The following C8orf34 variants were observed in gnomAD, a reference collection of about 807,000 sequenced individuals.
C8orf34 encodes chromosome 8 open reading frame 34, also known as uncharacterized protein C8orf34.
In C8orf34, 65 loss-of-function variants were observed where a neutral mutation model predicts 68.3. That is an observed-to-expected ratio of 0.95 (90% CI 0.78 to 1.17). The LOEUF (loss-of-function observed/expected upper bound fraction) is 1.17. C8orf34 is among the 50% of genes most tolerant of loss of function. The pLI, the probability that C8orf34 is intolerant of heterozygous loss-of-function variation, is 0.00. For synonymous variants in C8orf34, 244 were observed against 241.2 expected, an observed-to-expected ratio of 1.01 and a Z score of -0.11; for missense variants, 664 against 655.4, an observed-to-expected ratio of 1.01 and a Z score of -0.14.
At chr8:68,542,446 T>C (rs2129951126) in intron 7 of C8orf34, among the ~76,000 whole-genome samples, 1 of 152,296 alleles carries the variant, frequency 6.6e-6, no homozygotes, top group Middle Eastern at 3.4e-3. Context: ...TTTACGGACT[T>C]TTTCGCATTT....
At chr8:68,726,335 A>G (rs1217473641) in intron 10 of C8orf34, among the ~76,000 whole-genome samples, 1 of 152,170 alleles carries the variant, frequency 6.6e-6, no homozygotes, top group Non-Finnish European at 1.5e-5. Flanking sequence ...AGCATAAGAG[A>G]TAAGCCTTGC....
At chr8:68,707,616 C>G (rs1029768286) in intron 8 of C8orf34, among the ~76,000 whole-genome samples, 3 of 152,010 alleles carry the variant, frequency 2.0e-5, no homozygotes, top group African/African-American at 7.2e-5. Context: ...CACTCTGTCA[C>G]CCCAGTTGGA....
At chr8:68,422,841 A>G (rs946209252) in intron 1 of C8orf34, among the ~76,000 whole-genome samples, 7 of 152,182 alleles carry the variant, frequency 4.6e-5, no homozygotes, top group East Asian at 1.9e-4. Flanking sequence ...CCCAAACCTC[A>G]GTTCTTGTCT....
intron 5 of C8orf34, among the ~76,000 whole-genome samples, chr8:68,519,871 A>G (rs1308966937): frequency 6.6e-6 from 1 of 152,228 alleles, no homozygotes; most frequent in Non-Finnish European, 1.5e-5. Context: ...AAAGTCTCAC[A>G]GATGGAAAAG....
rs115148998 is a variant in C8orf34 at position 68,593,486 on chromosome 8, G to A, written c.1106-46890G>A. ...AGTCTAGGGGTTTTTGTTCTCATTT[G>A]CATGGAGGACTTTTTTATTAATATA... On this transcript the variant is annotated intron_variant, in intron 7 of 13. Transcript: ENST00000518698. 2.5e-3 allele frequency among the ~76,000 whole-genome samples: 382 copies of A among 151,966 alleles called. 1 individual carries two copies. The highest frequency in any genetic ancestry group is 8.7e-3 in the African/African-American group (363 of 41,508).
intron 10 of C8orf34, among the ~76,000 whole-genome samples, chr8:68,758,094 G>A (rs144755353): frequency 5.9e-5 from 9 of 152,310 alleles, no homozygotes; most frequent in African/African-American, 2.2e-4. Context: ...GATGGCATCG[G>A]GGATGCAATT....
chr8:68,370,867 G>A (rs1807530294), intron 1 of C8orf34, among the ~76,000 whole-genome samples: 1 of 152,114 alleles, frequency 6.6e-6, no homozygotes, highest in African/African-American at 2.4e-5. Context: ...ATATTTCCCA[G>A]ATTTAAGTCA....
At chr8:68,645,966 C>T (rs941106762) in intron 8 of C8orf34, among the ~76,000 whole-genome samples, 2 of 152,136 alleles carry the variant, frequency 1.3e-5, no homozygotes, top group African/African-American at 4.8e-5. Context: ...GACCTTGTCT[C>T]CTCCTCCTGT....
At chr8:68,753,148 T>C (rs908041513) in intron 10 of C8orf34, among the ~76,000 whole-genome samples, 1 of 152,166 alleles carries the variant, frequency 6.6e-6, no homozygotes, top group Non-Finnish European at 1.5e-5. Context: ...CACAGCAATA[T>C]TGAAAACATG....
chr8:68,527,234 A>G (rs528983711), intron 6 of C8orf34, among the ~76,000 whole-genome samples: 4 of 152,236 alleles, frequency 2.6e-5, no homozygotes, highest in South Asian at 2.1e-4. Context: ...AGGCTGCTCT[A>G]TGTGCTTTGC....
intron 7 of C8orf34, among the ~76,000 whole-genome samples, chr8:68,549,043 G>A (rs1347474206): frequency 2.0e-5 from 3 of 151,656 alleles, no homozygotes; most frequent in Admixed American, 6.6e-5. Context: ...TTTAAAAGAA[G>A]AGCAACAGAG....
At chr8:68,455,077 C>T (rs1016741517) in intron 3 of C8orf34, among the ~76,000 whole-genome samples, 1 of 151,750 alleles carries the variant, frequency 6.6e-6, no homozygotes, top group African/African-American at 2.4e-5. Context: ...TTTCCTTTGA[C>T]TTCTAGTTTT....
At chr8:68,460,284 C>G (rs1289666164) in intron 3 of C8orf34, among the ~76,000 whole-genome samples, 1 of 152,224 alleles carries the variant, frequency 6.6e-6, no homozygotes, top group Non-Finnish European at 1.5e-5. Flanking sequence ...ACAAAACAGC[C>G]AGGAAGCTCG....
At chr8:68,420,327 CAAA>C in intron 1 of C8orf34, among the ~76,000 whole-genome samples, 1 of 152,112 alleles carries the variant, frequency 6.6e-6, no homozygotes, top group East Asian at 1.9e-4. Context: ...TTAATTCTCA[CAAA>C]AGCTACATTC....
intron 7 of C8orf34, among the ~76,000 whole-genome samples, chr8:68,553,405 A>AAAAAAAAAAC (rs1554577324): frequency 5.0e-5 from 7 of 141,052 alleles, no homozygotes; most frequent in African/African-American, 1.4e-4. Flanking sequence ...AAAAAAAAAA[A>AAAAAAAAAAC]AAAAACATAT....
intron 10 of C8orf34, among the ~76,000 whole-genome samples, chr8:68,774,322 GGTGTGT>G (rs111570038): frequency 1.7e-5 from 2 of 114,418 alleles, no homozygotes; most frequent in African/African-American, 9.1e-5. Flanking sequence ...TAAAAATATG[GGTGTGT>G]GTGTATATAT....
chr8:68,353,607 CATAT>C (rs989430236), intron 1 of C8orf34, among the ~76,000 whole-genome samples: 2 of 143,130 alleles, frequency 1.4e-5, no homozygotes, highest in East Asian at 4.0e-4. Context: ...TATACACACA[CATAT>C]ATATATACAG....
chr8:68,716,460 A>G (rs914917103), intron 9 of C8orf34, among the ~76,000 whole-genome samples: 42 of 152,322 alleles, frequency 2.8e-4, no homozygotes, highest in African/African-American at 9.9e-4. Flanking sequence ...ATACATCAAC[A>G]GAAAAATAAG....
At chr8:68,666,756 A>G (rs1819854629) in intron 8 of C8orf34, among the ~76,000 whole-genome samples, 1 of 152,216 alleles carries the variant, frequency 6.6e-6, no homozygotes. Flanking sequence ...TTGTTTACAT[A>G]CAAAAAGAAA....
Sources: allele counts gnomAD v4.1 joint callset (sites outside exome capture counted in the v4.1 genomes callset), GRCh38; gene constraint gnomAD v4.1.1; transcripts MANE v1.5; gene names NCBI Gene and HGNC (gene_info 2026-07-23, HGNC 2026-07-21).